The following FBXL17 variants were observed in gnomAD, a reference collection of about 807,000 sequenced individuals.
FBXL17 encodes the protein F-box and leucine rich repeat protein 17.
In FBXL17, 22 loss-of-function variants were observed where a neutral mutation model predicts 66.2. The observed-to-expected ratio is 0.33, with a 90% CI of 0.24 to 0.47. FBXL17 has a LOEUF of 0.47. Among genes scored for constraint, FBXL17 ranks in the 20% least tolerant of loss-of-function variants. FBXL17 has a pLI of 1.00. For synonymous variants in FBXL17, 474 were observed against 400.5 expected, an observed-to-expected ratio of 1.18 and a Z score of -2.19; for missense variants, 878 against 948.2, an observed-to-expected ratio of 0.93 and a Z score of 0.97.
intron 6 of FBXL17, among the ~76,000 whole-genome samples, chr5:108,142,949 G>A (rs958853704): frequency 3.6e-5 from 5 of 140,718 alleles, no homozygotes; most frequent in Admixed American, 7.3e-5. Flanking sequence ...AAACCTGCAC[G>A]TTCTGCACAT....
intron 4 of FBXL17, among the ~76,000 whole-genome samples, chr5:108,237,956 A>G (rs1171238785): frequency 6.6e-6 from 1 of 152,254 alleles, no homozygotes; most frequent in African/African-American, 2.4e-5. Context: ...AATGGAACGC[A>G]AGAAAATTTT....
At chr5:108,087,002 C>G (rs962101434) in intron 6 of FBXL17, among the ~76,000 whole-genome samples, 1 of 152,092 alleles carries the variant, frequency 6.6e-6, no homozygotes, top group African/African-American at 2.4e-5. Context: ...AACAGAGAGG[C>G]CGGCCTGCAG....
chr5:108,189,804 G>T (rs286765), intron 5 of FBXL17, among the ~76,000 whole-genome samples: 42,535 of 152,082 alleles, frequency 0.28, 6,566 homozygotes, highest in Middle Eastern at 0.37. Flanking sequence ...AAGCAACTGT[G>T]CTGTGAAAAA....
intron 4 of FBXL17, among the ~76,000 whole-genome samples, chr5:108,333,985 G>C (rs1031298260): frequency 1.3e-5 from 2 of 152,098 alleles, no homozygotes; most frequent in African/African-American, 4.8e-5. Context: ...TCTAATTGAA[G>C]TTACAATTAG....
chr5:107,954,775 T>C (rs1751606702), intron 7 of FBXL17, among the ~76,000 whole-genome samples: 1 of 152,096 alleles, frequency 6.6e-6, no homozygotes, highest in Admixed American at 6.6e-5. Context: ...TGAGATAAAT[T>C]AATATTAGAA....
At chr5:108,021,142 T>TGTG in intron 6 of FBXL17, 141 bp from the exon 7 acceptor site, 1 of 566,604 alleles carries the variant, frequency 1.8e-6, no homozygotes, top group South Asian at 2.7e-5. Context: ...TATTCCCTGC[T>TGTG]TTAAAGTCAA....
chr5:108,377,876 T>C (rs569776260), intron 1 of FBXL17, among the ~76,000 whole-genome samples: 12 of 152,354 alleles, frequency 7.9e-5, no homozygotes, highest in African/African-American at 2.6e-4. Context: ...ACAATCAACA[T>C]GTAGGGCATG....
Position 108,008,602 on chromosome 5 carries a change from G to A in FBXL17, c.1822+12323C>T, listed in dbSNP as rs562377790. ...ATAATATAAATGTGTGTAATAATAT[G>A]TATTATTCATTAAAAGTTAATTGGT... On this transcript the variant is annotated intron_variant, in intron 7 of 8. Coordinates refer to ENST00000542267, the MANE Select transcript of FBXL17 (RefSeq NM_001163315.3). 3.3e-5 allele frequency among the ~76,000 whole-genome samples: 5 copies of A among 152,236 alleles called. No individual in the cohort carries two copies. In the East Asian group the frequency reaches 9.7e-4, roughly 29 times the overall value.
chr5:108,208,635 AT>A (rs1234056730), intron 5 of FBXL17, among the ~76,000 whole-genome samples: 1 of 151,956 alleles, frequency 6.6e-6, no homozygotes, highest in African/African-American at 2.4e-5. Flanking sequence ...ACGTGGTGTT[AT>A]TTCTTAGGTC....
chr5:107,880,957 G>A (rs1432025283), intron 8 of FBXL17, 80 bp downstream of exon 8: 1 of 1,610,920 alleles, frequency 6.2e-7, no homozygotes, highest in South Asian at 1.1e-5. Context: ...GGTGGAGATA[G>A]AGAAGGAGAG....
chr5:108,329,849 C>A (rs1373469431), intron 4 of FBXL17, among the ~76,000 whole-genome samples: 2 of 152,022 alleles, frequency 1.3e-5, no homozygotes. Flanking sequence ...ACAGTCCAGG[C>A]TCGGGAACAG....
At chr5:108,145,981 G>A (rs2149991241) in intron 6 of FBXL17, among the ~76,000 whole-genome samples, 2 of 152,164 alleles carry the variant, frequency 1.3e-5, no homozygotes, top group African/African-American at 4.8e-5. Context: ...CACTTTGGGA[G>A]GCCGAGGCGG....
chr5:107,973,322 G>C (rs186224380), intron 7 of FBXL17, among the ~76,000 whole-genome samples: 65 of 150,320 alleles, frequency 4.3e-4, no homozygotes, highest in African/African-American at 1.5e-3. Context: ...AAATTCATAA[G>C]CTCTCTTAAT....
At chr5:107,970,246 C>T (rs990474263) in intron 7 of FBXL17, among the ~76,000 whole-genome samples, 3 of 152,188 alleles carry the variant, frequency 2.0e-5, no homozygotes, top group Admixed American at 6.5e-5. Flanking sequence ...CTCTTTGTTA[C>T]CAAACGCAAG....
chr5:107,878,802 T>C (rs780539650), intron 8 of FBXL17: 37 of 985,370 alleles, frequency 3.8e-5, no homozygotes, highest in Non-Finnish European at 4.5e-5. Flanking sequence ...GCCTCTCGTG[T>C]TTGGCTCTGA....
chr5:108,371,627 C>T (rs1160634149), intron 1 of FBXL17, among the ~76,000 whole-genome samples: 3 of 152,050 alleles, frequency 2.0e-5, no homozygotes, highest in Admixed American at 1.3e-4. Context: ...TTAAGACATG[C>T]TCACAGAGCT....
At chr5:108,347,926 T>C (rs1300366646) in intron 4 of FBXL17, among the ~76,000 whole-genome samples, 2 of 152,194 alleles carry the variant, frequency 1.3e-5, no homozygotes, top group Non-Finnish European at 2.9e-5. Context: ...ATAAAATCTA[T>C]GTAATTGCCC....
At chr5:108,114,649 T>C (rs1011380096) in intron 6 of FBXL17, among the ~76,000 whole-genome samples, 2 of 152,204 alleles carry the variant, frequency 1.3e-5, no homozygotes, top group Non-Finnish European at 1.5e-5. Flanking sequence ...ACCCTGATAC[T>C]GAGTGGAGCA....
At chr5:108,371,167 C>A (rs917023229) in intron 1 of FBXL17, among the ~76,000 whole-genome samples, 14 of 152,154 alleles carry the variant, frequency 9.2e-5, no homozygotes, top group Non-Finnish European at 1.8e-4. Flanking sequence ...CTCTTTTCTC[C>A]CTACTGGCTA....
Sources: gnomAD v4.1 joint callset for allele counts (sites outside exome capture counted in the v4.1 genomes callset) on GRCh38, gnomAD v4.1.1 for gene constraint, MANE v1.5 for transcripts, NCBI Gene and HGNC (gene_info 2026-07-23, HGNC 2026-07-21) for gene names.